RALGAPA2: variants seen among roughly 807,000 people sequenced by gnomAD.
RALGAPA2 encodes the protein Ral GTPase activating protein catalytic subunit alpha 2, also known as ral GTPase-activating protein subunit alpha-2.
In RALGAPA2, 139 loss-of-function variants were observed where a neutral mutation model predicts 230.4. The ratio of observed to expected loss-of-function variants is 0.60; its 90% CI spans 0.53 to 0.69. RALGAPA2 has a LOEUF of 0.69. Ranked by LOEUF, RALGAPA2 falls within the 30% of genes least tolerant of loss-of-function variation. The pLI is 0.00. For missense variants in RALGAPA2, 2,163 were observed against 2,276.0 expected (o/e 0.95, Z 1.01); for synonymous variants, 847 against 837.8 (o/e 1.01, Z -0.19).
In RALGAPA2 at chr20:20,472,942, C is replaced by G. The variant is rs768585632; in HGVS notation, c.5382G>C (p.Gly1794=). 2 of 1,592,782 alleles carry G rather than the reference C, an allele frequency of 1.3e-6. No individual in the cohort carries two copies. Among genetic ancestry groups the G allele is most frequent in the Non-Finnish European group, 1.7e-6 (2 of 1,174,406 alleles). The change falls in exon 37 of 40, where the codon GGG becomes GGC. Residue 1794 remains glycine, a synonymous_variant. Transcript: ENST00000202677. ...ITKKPEVPFF[G]PLFDGAIVSG... ...TCACTATGGCTCCATCAAACAGAGG[C>G]CCAAAAAATGGAACCTGTTGATTTG... is the stretch of plus-strand genomic sequence containing the variant.
chr20:20,639,729 T>G, intron 7 of RALGAPA2, 56 bp downstream of exon 7: 4 of 1,200,906 alleles, frequency 3.3e-6, no homozygotes, highest in Non-Finnish European at 4.9e-6. Flanking sequence ...AGGCAATATT[T>G]CCTCTTCCTG....
intron 36 of RALGAPA2, among the ~76,000 whole-genome samples, chr20:20,483,849 A>G (rs2061840661): frequency 6.6e-6 from 1 of 152,100 alleles, no homozygotes; most frequent in Admixed American, 6.5e-5. Context: ...GATAAAAATG[A>G]GAGGCTAAAA....
At chr20:20,653,695 T>C (rs113649005) in intron 3 of RALGAPA2, 108 bp from the exon 4 acceptor site, 1 of 618,602 alleles carries the variant, frequency 1.6e-6, no homozygotes. Context: ...AAAAGGAAAC[T>C]ATGTACAATA....
chr20:20,433,414 T>G (rs2060539665), intron 37 of RALGAPA2, among the ~76,000 whole-genome samples: 1 of 152,142 alleles, frequency 6.6e-6, no homozygotes, highest in South Asian at 2.1e-4. Flanking sequence ...ACTCAAACCC[T>G]GCAAGGGGCT....
At chr20:20,489,567 G>GAA (rs200699269) in intron 36 of RALGAPA2, among the ~76,000 whole-genome samples, 1 of 132,536 alleles carries the variant, frequency 7.5e-6, no homozygotes. Flanking sequence ...AAGTATTCAT[G>GAA]AAAAAAAAAA....
At chr20:20,414,866 A>G (rs1031097398) in intron 37 of RALGAPA2, among the ~76,000 whole-genome samples, 14 of 152,254 alleles carry the variant, frequency 9.2e-5, no homozygotes, top group African/African-American at 3.1e-4. Flanking sequence ...GAGTGTTAAC[A>G]GTGCTAAACT....
At chr20:20,612,427 A>C (rs1224454489) in intron 13 of RALGAPA2, among the ~76,000 whole-genome samples, 1 of 152,188 alleles carries the variant, frequency 6.6e-6, no homozygotes, top group Non-Finnish European at 1.5e-5. Flanking sequence ...ATCAGATGAG[A>C]TCTCTAAATC....
intron 37 of RALGAPA2, among the ~76,000 whole-genome samples, chr20:20,460,649 AAAAC>A (rs1478622783): frequency 2.0e-5 from 3 of 152,228 alleles, no homozygotes; most frequent in African/African-American, 7.2e-5. Flanking sequence ...CCTAAATTAA[AAAAC>A]AAACAAAACA....
intron 37 of RALGAPA2, among the ~76,000 whole-genome samples, chr20:20,432,857 G>C (rs2060528586): frequency 6.6e-6 from 1 of 152,026 alleles, no homozygotes; most frequent in Non-Finnish European, 1.5e-5. Context: ...CTCTGCAATT[G>C]TCCACCCTCA....
intron 36 of RALGAPA2, among the ~76,000 whole-genome samples, chr20:20,479,328 A>G (rs562028352): frequency 1.4e-4 from 22 of 152,322 alleles, no homozygotes; most frequent in Admixed American, 3.3e-4. Context: ...TTATTAGGCT[A>G]GTACAATCTT....
chr20:20,700,008 A>AT (rs1256485868), intron 1 of RALGAPA2, among the ~76,000 whole-genome samples: 2 of 152,178 alleles, frequency 1.3e-5, no homozygotes, highest in Admixed American at 1.3e-4. Flanking sequence ...ACATGCACTC[A>AT]TATGTTCATT....
intron 23 of RALGAPA2, among the ~76,000 whole-genome samples, chr20:20,547,684 C>T (rs2063810853): frequency 6.6e-6 from 1 of 152,122 alleles, no homozygotes; most frequent in African/African-American, 2.4e-5. Flanking sequence ...GTAAGAAAAC[C>T]ACAAACCACA....
chr20:20,504,353 G>C (rs2062465680), intron 34 of RALGAPA2, among the ~76,000 whole-genome samples: 1 of 152,184 alleles, frequency 6.6e-6, no homozygotes, highest in Non-Finnish European at 1.5e-5. Context: ...CTCTTACCCT[G>C]TTTCCATCCC....
At chr20:20,610,900 C>A (rs2065956549) in intron 14 of RALGAPA2, among the ~76,000 whole-genome samples, 1 of 152,204 alleles carries the variant, frequency 6.6e-6, no homozygotes, top group Admixed American at 6.5e-5. Flanking sequence ...CCTTTCTCAG[C>A]ATCTCTCCCA....
chr20:20,442,206 GACA>G (rs1216564762), intron 37 of RALGAPA2, among the ~76,000 whole-genome samples: 1 of 152,158 alleles, frequency 6.6e-6, no homozygotes, highest in East Asian at 1.9e-4. Flanking sequence ...TGCAAAATGG[GACA>G]ACAACCCTAC....
At chr20:20,442,756 C>A (rs2060765270) in intron 37 of RALGAPA2, among the ~76,000 whole-genome samples, 1 of 152,234 alleles carries the variant, frequency 6.6e-6, no homozygotes, top group South Asian at 2.1e-4. Context: ...AGACACTCTT[C>A]TACTGCTGAA....
intron 36 of RALGAPA2, among the ~76,000 whole-genome samples, chr20:20,475,543 AAAAC>A (rs1801599632): frequency 6.6e-6 from 1 of 152,204 alleles, no homozygotes; most frequent in African/African-American, 2.4e-5. Context: ...CATAATTAGA[AAAAC>A]AAAACAGAAC....
chr20:20,707,714 T>C (rs371173710), intron 1 of RALGAPA2, among the ~76,000 whole-genome samples: 1 of 152,116 alleles, frequency 6.6e-6, no homozygotes, highest in African/African-American at 2.4e-5. Context: ...TCACTTGATT[T>C]GACCTGAGTC....
chr20:20,413,630 G>A (rs6075655), intron 37 of RALGAPA2, among the ~76,000 whole-genome samples: 90,410 of 152,090 alleles, frequency 0.59, 26,843 homozygotes, highest in African/African-American at 0.63. Flanking sequence ...ATACTGGATC[G>A]CACAGATACA....
Sources: gnomAD v4.1 joint callset for allele counts (sites outside exome capture counted in the v4.1 genomes callset) on GRCh38, gnomAD v4.1.1 for gene constraint, MANE v1.5 for transcripts, NCBI Gene and HGNC (gene_info 2026-07-23, HGNC 2026-07-21) for gene names.